Variants in CACNA2D3 observed in about 807,000 individuals in gnomAD.
CACNA2D3 encodes calcium voltage-gated channel auxiliary subunit alpha2delta 3, also known as voltage-dependent calcium channel subunit alpha-2/delta-3.
CACNA2D3 carries 60 observed loss-of-function variants against 160.6 expected under a neutral mutation model. The observed-to-expected ratio is 0.37, with a 90% CI of 0.30 to 0.46. CACNA2D3 has a LOEUF of 0.46. CACNA2D3 is among the 20% of genes least tolerant of loss of function. The probability of loss-of-function intolerance (pLI) is 1.00; values close to 1 mark genes in which losing one functional copy is unlikely to be tolerated. For synonymous variants in CACNA2D3, 558 were observed against 492.9 expected (o/e 1.13, Z -1.75); for missense variants, 1,205 against 1,365.0 (o/e 0.88, Z 1.85).
intron 11 of CACNA2D3, among the ~76,000 whole-genome samples, chr3:54,689,010 A>AGAG (rs368785187): frequency 0.05 from 4,239 of 85,114 alleles, 1,241 homozygotes; most frequent in East Asian, 0.1. Flanking sequence ...AAAAAAAAAA[A>AGAG]AGAATGAGGT....
In CACNA2D3 at chr3:54,568,250, C is replaced by T. The variant is rs546293406; in HGVS notation, c.677-1545C>T. On this transcript the variant is annotated intron_variant, in intron 6 of 37. Coordinates refer to ENST00000474759, the MANE Select transcript of CACNA2D3 (RefSeq NM_018398.3). ...ACCCGTGGGATATAGCAGTGTTGCA[C>T]AATGATTCAAATTCACTCAAATTTG... 2.6e-4 allele frequency among the ~76,000 whole-genome samples: 39 copies of T among 152,260 alleles called. No homozygotes were observed. The Middle Eastern group carries it at 0.017, about 66-fold the overall frequency.
At position 54,425,448 on chromosome 3, in the gene CACNA2D3, T is replaced by G. The variant is rs543487515; in HGVS notation, c.381+38674T>G. On this transcript the variant is annotated intron_variant, in intron 4 of 37. Transcript: ENST00000474759. ...TTACTAACTCCTCTGATACACAGGT[T>G]AAGGATAAAATGAGAGAGGAATCTA... Among the ~76,000 whole-genome samples the G allele has an allele frequency of 3.4e-4, 52 of 152,362 alleles. 2 individuals carry two copies. In the South Asian group the frequency reaches 0.01, roughly 30 times the overall value.
intron 35 of CACNA2D3, among the ~76,000 whole-genome samples, chr3:55,023,118 G>T (rs939371240): frequency 1.3e-5 from 2 of 151,948 alleles, no homozygotes; most frequent in African/African-American, 4.8e-5. Flanking sequence ...AACAGTGATG[G>T]TTTATCTCCA....
At chr3:54,540,488 T>A (rs1701954781) in intron 5 of CACNA2D3, among the ~76,000 whole-genome samples, 1 of 152,216 alleles carries the variant, frequency 6.6e-6, no homozygotes, top group South Asian at 2.1e-4. Context: ...CTGCTAATGT[T>A]GTCTCATGTT....
intron 4 of CACNA2D3, among the ~76,000 whole-genome samples, chr3:54,446,475 A>G (rs183375104): frequency 4.7e-4 from 72 of 152,306 alleles, no homozygotes; most frequent in African/African-American, 1.5e-3. Flanking sequence ...TTCCCACACT[A>G]TGCTGCTGCC....
chr3:54,758,372 G>T (rs946212301), intron 12 of CACNA2D3, among the ~76,000 whole-genome samples: 12 of 152,084 alleles, frequency 7.9e-5, no homozygotes, highest in African/African-American at 2.9e-4. Flanking sequence ...CTGATTTTGA[G>T]AGCTCTGCTC....
intron 11 of CACNA2D3, among the ~76,000 whole-genome samples, chr3:54,667,980 A>G (rs560958299): frequency 6.6e-6 from 1 of 152,142 alleles, no homozygotes; most frequent in African/African-American, 2.4e-5. Context: ...AGATATTTTT[A>G]TATTAGAATT....
rs144785771 is a variant in CACNA2D3 at position 54,797,162 on chromosome 3, G to C, written c.1381-19691G>C. ...CATTGGTAAATTTACACTGGAACAA[G>C]CTAAAGTGACATTGTGTCTTTTGTT... On this transcript the variant is annotated intron_variant, in intron 13 of 37. Transcript: ENST00000474759. Among the ~76,000 whole-genome samples the C allele has an allele frequency of 1.4e-4, 21 of 152,296 alleles. No individual in the cohort carries two copies. The East Asian group carries it at 3.9e-3, about 28-fold the overall frequency.
chr3:55,019,032 C>T (rs1189576294), intron 35 of CACNA2D3, among the ~76,000 whole-genome samples: 1 of 148,966 alleles, frequency 6.7e-6, no homozygotes, highest in Non-Finnish European at 1.5e-5. Context: ...GTCCTCCTGT[C>T]TCAGCCTCCC....
In CACNA2D3 at chr3:54,312,474, C is replaced by G. The variant is rs376431920; in HGVS notation, c.205-7968C>G. On this transcript the variant is annotated intron_variant, in intron 2 of 37. Coordinates refer to ENST00000474759, the MANE Select transcript of CACNA2D3 (RefSeq NM_018398.3). ...TTCTGATTGGCCAGAAGTCTCCTGA[C>G]TGGAGCTCCCTCTCTGGGGGCTGTT... Among the ~76,000 whole-genome samples the G allele has an allele frequency of 9.9e-5, 15 of 152,244 alleles. No individual in the cohort carries two copies. In the South Asian group the frequency reaches 1.7e-3, roughly 17 times the overall value.
chr3:54,331,299 A>G (rs139748712), intron 3 of CACNA2D3, among the ~76,000 whole-genome samples: 1 of 152,326 alleles, frequency 6.6e-6, no homozygotes, highest in Non-Finnish European at 1.5e-5. Flanking sequence ...AATCAGCATC[A>G]GCATGAATGT....
chr3:54,376,140 T>C (rs1466383430), intron 3 of CACNA2D3, among the ~76,000 whole-genome samples: 1 of 152,148 alleles, frequency 6.6e-6, no homozygotes, highest in Non-Finnish European at 1.5e-5. Context: ...TTAGCCTAGC[T>C]CAACACCCTT....
At chr3:54,497,257 A>G (rs1233686751) in intron 4 of CACNA2D3, among the ~76,000 whole-genome samples, 1 of 141,958 alleles carries the variant, frequency 7.0e-6, no homozygotes, top group Admixed American at 7.5e-5. Context: ...CTCTCCATTT[A>G]TATAAGTCTT....
rs142476330 is a variant in CACNA2D3, at chr3:55,045,342, G to A, written c.2987+27025G>A. On this transcript the variant is annotated intron_variant, in intron 35 of 37. Coordinates refer to ENST00000474759, the MANE Select transcript of CACNA2D3 (RefSeq NM_018398.3). Reference sequence around the variant, plus strand: ...TGGGATTACAGGCGTGAGCCACCGCGTCAAGCCTATAGTGGTCTTTTTATA... The same window carrying A: ...TGGGATTACAGGCGTGAGCCACCGCATCAAGCCTATAGTGGTCTTTTTATA... Among the ~76,000 whole-genome samples the A allele has an allele frequency of 4.1e-3, 625 of 152,266 alleles. 5 individuals carry two copies. The highest frequency in any genetic ancestry group is 6.8e-3 in the Middle Eastern group (2 of 294).
At chr3:55,010,775 T>C (rs866018426) in intron 34 of CACNA2D3, among the ~76,000 whole-genome samples, 1 of 152,206 alleles carries the variant, frequency 6.6e-6, no homozygotes. Context: ...TTCCCTCAAC[T>C]CCCTCAGGCA....
chr3:54,880,845 A>C lies in CACNA2D3; in HGVS notation c.1894A>C (p.Asn632His), dbSNP rs762179372. ...RGHGKYFFRG[N>H]VTIEEGLHDL... is the part of the protein sequence containing the mutation. ...TCATGGGAAATATTTCTTCCGAGGG[A>C]ATGTAACCATCGAAGAAGGTAAGAT... Residue 632 changes from asparagine (N) to histidine (H), a missense_variant, in exon 21 of 38, where the codon AAT (asparagine) becomes CAT (histidine). Around this residue, in one of 3 missense-constraint regions of CACNA2D3, gnomAD observed 911 missense variants for 1,002.2 expected, o/e 0.91. Transcript: ENST00000474759. The C allele has an allele frequency of 6.2e-7, 1 of 1,613,820 alleles. No individual in the cohort carries two copies. The highest frequency in any genetic ancestry group is 1.7e-5 in the Admixed American group (1 of 60,016).
Position 54,928,081 on chromosome 3 carries a change from AT to A in CACNA2D3, c.2449+28216del, listed in dbSNP as rs1305014368. 29 of 645,728 alleles carry A rather than the reference AT, an allele frequency of 4.5e-5. No homozygotes were observed. The Admixed American group carries it at 6.9e-4, about 15-fold the overall frequency. The allele number at this position is 645,728 out of a possible 1,614,324, so 40.0% of individuals were successfully genotyped here. On this transcript the variant is annotated intron_variant, in intron 27 of 37. Transcript: ENST00000474759. ...AAACAGTTGTTGCTTTCAAAAGACC[AT>A]TTATTTAAGCAGCCCTTCCCCTTGT...
At chr3:54,938,259 G>T (rs987618404) in intron 27 of CACNA2D3, among the ~76,000 whole-genome samples, 2 of 152,240 alleles carry the variant, frequency 1.3e-5, no homozygotes, top group Non-Finnish European at 2.9e-5. Flanking sequence ...CTGTGAGTTT[G>T]TGTATATGTT....
chr3:54,361,890 A>G (rs1277842060), intron 3 of CACNA2D3, among the ~76,000 whole-genome samples: 1 of 152,182 alleles, frequency 6.6e-6, no homozygotes, highest in Non-Finnish European at 1.5e-5. Context: ...GTGGAATTTT[A>G]TGCATGTGCG....
Sources: gnomAD v4.1 joint callset for allele counts (sites outside exome capture counted in the v4.1 genomes callset) on GRCh38, gnomAD v4.1.1 for gene constraint, gnomAD v4.1.1 regional missense constraint, MANE v1.5 for transcripts, NCBI Gene and HGNC (gene_info 2026-07-23, HGNC 2026-07-21) for gene names.